TEX36: variants seen among roughly 807,000 people sequenced by gnomAD.
The protein encoded by TEX36 is testis-expressed protein 36.
TEX36 carries 12 observed loss-of-function variants against 13.6 expected under a neutral mutation model. The observed-to-expected ratio is 0.88, with a 90% CI of 0.56 to 1.43. The LOEUF (loss-of-function observed/expected upper bound fraction) is 1.43. Ranked by LOEUF, TEX36 falls within the 40% of genes most tolerant of loss-of-function variation. The pLI is 0.00. For missense variants in TEX36, 224 were observed against 228.3 expected (o/e 0.98, Z 0.12); for synonymous variants, 93 against 83.0 (o/e 1.12, Z -0.65).
At chr10:125,620,748 T>C (rs548924977), downstream of TEX36, among the ~76,000 whole-genome samples, 3 of 152,200 alleles carry the variant, frequency 2.0e-5, no homozygotes, top group African/African-American at 4.8e-5. Context: ...TCTTGCAAAA[T>C]TGAAAATCTG....
intron 3 of TEX36, among the ~76,000 whole-genome samples, chr10:125,648,337 C>T (rs565875655): frequency 2.6e-5 from 4 of 152,278 alleles, no homozygotes; most frequent in South Asian, 2.1e-4. Context: ...CAACATTTGC[C>T]GTTCTGCAAT....
intron 3 of TEX36, among the ~76,000 whole-genome samples, chr10:125,579,887 C>T (rs1845864594): frequency 6.6e-6 from 1 of 152,134 alleles, no homozygotes; most frequent in Admixed American, 6.5e-5. Flanking sequence ...ATTAAACCTC[C>T]CTTCTTTATA....
chr10:125,576,694 A>G (rs1845828036), exon 4 of TEX36: 5 of 1,528,546 alleles, frequency 3.3e-6, no homozygotes, highest in Non-Finnish European at 4.4e-6. Flanking sequence ...ACTAATACAC[A>G]TTCTATTAGT....
chr10:125,596,947 G>T (rs570982166), intron 3 of TEX36, among the ~76,000 whole-genome samples: 3 of 152,248 alleles, frequency 2.0e-5, no homozygotes, highest in East Asian at 1.9e-4. Flanking sequence ...CTGTAAAATG[G>T]GTTAAAAATA....
At chr10:125,632,459 G>A (rs1286852647) in intron 3 of TEX36, among the ~76,000 whole-genome samples, 1 of 152,204 alleles carries the variant, frequency 6.6e-6, no homozygotes, top group Non-Finnish European at 1.5e-5. Context: ...GGAAGGTTCA[G>A]TAGACTTAGC....
At chr10:125,593,946 G>C (rs1030492612) in intron 3 of TEX36, among the ~76,000 whole-genome samples, 3 of 152,230 alleles carry the variant, frequency 2.0e-5, no homozygotes, top group African/African-American at 7.2e-5. Flanking sequence ...AAAGAGAAAA[G>C]AACAGATGTG....
intron 3 of TEX36, among the ~76,000 whole-genome samples, chr10:125,586,285 T>C (rs999187041): frequency 6.6e-5 from 10 of 152,340 alleles, no homozygotes; most frequent in African/African-American, 1.7e-4. Flanking sequence ...GCTATTTCTT[T>C]AGTGTAAATG....
intron 3 of TEX36, among the ~76,000 whole-genome samples, chr10:125,612,734 A>G (rs957962551): frequency 6.6e-6 from 1 of 152,004 alleles, no homozygotes; most frequent in Non-Finnish European, 1.5e-5. Flanking sequence ...TACTTTTACT[A>G]GTTACAAAGT....
intron 3 of TEX36, among the ~76,000 whole-genome samples, chr10:125,581,133 T>G (rs547877189): frequency 1.2e-3 from 178 of 152,266 alleles, no homozygotes; most frequent in Non-Finnish European, 1.9e-3. Flanking sequence ...AGTCCCCACA[T>G]GTTTCCCCTC....
At chr10:125,636,949 G>C (rs1260189409) in intron 3 of TEX36, among the ~76,000 whole-genome samples, 1 of 151,942 alleles carries the variant, frequency 6.6e-6, no homozygotes, top group Non-Finnish European at 1.5e-5. Context: ...CCAGGCCCCA[G>C]GTCACCTCCA....
At chr10:125,656,405 C>T (rs1846945645) in intron 3 of TEX36, among the ~76,000 whole-genome samples, 1 of 151,638 alleles carries the variant, frequency 6.6e-6, no homozygotes, top group Non-Finnish European at 1.5e-5. Flanking sequence ...TACAGGTGGA[C>T]CCCACCACGC....
chr10:125,660,920 T>A, intron 3 of TEX36, 101 bp downstream of exon 3: 1 of 1,007,950 alleles, frequency 9.9e-7, no homozygotes, highest in Non-Finnish European at 1.5e-6. Flanking sequence ...TTGACCTTGT[T>A]CCAGTTTTGA....
chr10:125,619,643 C>T (rs983825901), downstream of TEX36, among the ~76,000 whole-genome samples: 30 of 152,144 alleles, frequency 2.0e-4, no homozygotes, highest in Admixed American at 3.9e-4. Context: ...CTCCGCCTCC[C>T]GGGTCCAGGT....
chr10:125,630,680 G>T (rs1032549578), intron 3 of TEX36, among the ~76,000 whole-genome samples: 1 of 152,090 alleles, frequency 6.6e-6, no homozygotes, highest in South Asian at 2.1e-4. Flanking sequence ...CATGCATGTC[G>T]ATGGGAAACT....
intron 1 of TEX36, among the ~76,000 whole-genome samples, chr10:125,677,678 A>AT (rs568468576): frequency 3.3e-5 from 5 of 150,840 alleles, no homozygotes; most frequent in Admixed American, 6.6e-5. Context: ...TTTAAAATGA[A>AT]TTTTTTTTTC....
chr10:125,628,641 C>A (rs945851118), intron 3 of TEX36, among the ~76,000 whole-genome samples: 1 of 152,206 alleles, frequency 6.6e-6, no homozygotes, highest in Non-Finnish European at 1.5e-5. Flanking sequence ...AGAAGTGCTT[C>A]TTGAGATCGT....
At chr10:125,645,047 C>A (rs1846747309) in intron 3 of TEX36, among the ~76,000 whole-genome samples, 1 of 152,176 alleles carries the variant, frequency 6.6e-6, no homozygotes, top group Non-Finnish European at 1.5e-5. Flanking sequence ...CACAACCACA[C>A]AAACATGAAA....
intron 3 of TEX36, among the ~76,000 whole-genome samples, chr10:125,659,989 G>A (rs1195710984): frequency 6.6e-6 from 1 of 152,146 alleles, no homozygotes; most frequent in East Asian, 1.9e-4. Context: ...TGTCTACGTT[G>A]AGATGTTACA....
At chr10:125,632,005 T>C (rs751697217) in intron 3 of TEX36, among the ~76,000 whole-genome samples, 3 of 151,746 alleles carry the variant, frequency 2.0e-5, no homozygotes, top group Non-Finnish European at 4.4e-5. Flanking sequence ...GGACAGAAGA[T>C]GGCAGCAGAA....
Sources: allele counts gnomAD v4.1 joint callset (sites outside exome capture counted in the v4.1 genomes callset), GRCh38; gene constraint gnomAD v4.1.1; transcripts MANE v1.5; gene names NCBI Gene and HGNC (gene_info 2026-07-23, HGNC 2026-07-21).